Variants in SLC17A6 observed in about 807,000 individuals in gnomAD.
The protein encoded by SLC17A6 is solute carrier family 17 member 6, also known as vesicular glutamate transporter 2.
Under a neutral mutation model 67.1 loss-of-function variants are expected in SLC17A6, and 35 were observed. The ratio of observed to expected loss-of-function variants is 0.52; its 90% CI spans 0.40 to 0.69. The LOEUF is 0.69. Ranked by LOEUF, SLC17A6 falls within the 30% of genes least tolerant of loss-of-function variation. The pLI is 0.00. For missense variants in SLC17A6, 588 were observed against 723.9 expected (o/e 0.81, Z 2.15); for synonymous variants, 285 against 252.3 (o/e 1.13, Z -1.23).
chr11:22,365,727 C>A (rs982701102), intron 7 of SLC17A6, 38 bp downstream of exon 7: 1 of 1,568,144 alleles, frequency 6.4e-7, no homozygotes, highest in African/African-American at 1.4e-5. Context: ...CTATCTTATT[C>A]CCATCTCGCC....
intron 7 of SLC17A6, among the ~76,000 whole-genome samples, chr11:22,367,997 TATC>T (rs1590392315): frequency 6.6e-6 from 1 of 152,334 alleles, no homozygotes; most frequent in East Asian, 1.9e-4. Flanking sequence ...CTGACAGGAA[TATC>T]ATATACTCAT....
At position 22,377,639 on chromosome 11, in the gene SLC17A6, G is replaced by GC. The variant is rs1278792698; in HGVS notation, c.1650dup (p.Asn551GlnfsTer6). On this transcript the variant is annotated frameshift_variant, in exon 12 of 12. Transcript: ENST00000263160. LOFTEE classifies it high-confidence loss of function. ...CAAGTCTTATGGTGCCACAACACAGGCCAATGGAGGTTGGCCTAGTGGTTG... is the reference window on the plus strand; with the variant it reads ...CAAGTCTTATGGTGCCACAACACAGGCCCAATGGAGGTTGGCCTAGTGGTTG... The GC allele has an allele frequency of 1.9e-6, 3 of 1,613,946 alleles. No homozygotes were observed. In the Admixed American group the frequency reaches 5.0e-5, roughly 27 times the overall value.
chr11:22,348,746 G>T (rs998185790), intron 3 of SLC17A6, among the ~76,000 whole-genome samples: 1 of 152,086 alleles, frequency 6.6e-6, no homozygotes, highest in Non-Finnish European at 1.5e-5. Flanking sequence ...CAAAAGCATG[G>T]CTTTAAAATT....
At chr11:22,366,258 G>A (rs1226962981) in intron 7 of SLC17A6, among the ~76,000 whole-genome samples, 1 of 152,096 alleles carries the variant, frequency 6.6e-6, no homozygotes, top group Non-Finnish European at 1.5e-5. Flanking sequence ...GGAAACTTAA[G>A]TGAATGTGCC....
rs1027853184 is a variant in SLC17A6, at chr11:22,378,909, G to A, written c.*1169G>A. ...GAAACATAATAAACAATCTTCACACGAAACCAAAAATAGCATACACCTAAT... is the reference window on the plus strand; with the variant it reads ...GAAACATAATAAACAATCTTCACACAAAACCAAAAATAGCATACACCTAAT... On this transcript the variant is annotated 3_prime_UTR_variant, in exon 12 of 12. Transcript: ENST00000263160. 29 of 152,106 alleles carry A rather than the reference G, an allele frequency of 1.9e-4. No homozygotes were observed. The highest frequency in any genetic ancestry group is 6.5e-4 in the African/African-American group (27 of 41,476). 9.4% of individuals were successfully genotyped at this position (152,106 alleles called of 1,614,324 possible). A position where few individuals can be genotyped will look rare whatever the true frequency, so the allele number is the denominator to read the frequency against.
rs1856025762 is a variant in SLC17A6 at position 22,359,484 on chromosome 11, A to T, written c.530A>T (p.Tyr177Phe). 6.2e-7 allele frequency: 1 copy of T among 1,608,058 alleles called. No homozygotes were observed. The highest frequency in any genetic ancestry group is 1.7e-5 in the Admixed American group (1 of 59,418). The change falls in exon 4 of 12, where the codon TAT (tyrosine) becomes TTT (phenylalanine). Residue 177 changes from tyrosine (Y) to phenylalanine (F), a missense_variant. By Grantham distance (22) the Tyr-to-Phe change is conservative. Transcript: ENST00000263160. ...ATTCCATCAGCAGCCAGAGTGCATT[A>T]TGGATGTGTCATCTTTGTCAGAATA... is the stretch of plus-strand genomic sequence containing the variant. ...MLIPSAARVH[Y>F]GCVIFVRILQ... is the part of the protein sequence containing the mutation.
At chr11:22,376,722 T>C in intron 11 of SLC17A6, 50 bp downstream of exon 11, 1 of 1,597,166 alleles carries the variant, frequency 6.3e-7, no homozygotes. Flanking sequence ...TTTCTCAAAA[T>C]GATAATCTTT....
intron 8 of SLC17A6, among the ~76,000 whole-genome samples, chr11:22,372,701 T>A (rs7125777): frequency 0.16 from 23,945 of 152,064 alleles, 2,272 homozygotes; most frequent in East Asian, 0.24. Flanking sequence ...AAAAATCTAA[T>A]TACCTGGAGT....
intron 7 of SLC17A6, 110 bp downstream of exon 7, chr11:22,365,799 C>A: frequency 1.7e-6 from 2 of 1,170,826 alleles, no homozygotes; most frequent in Non-Finnish European, 2.4e-6. Context: ...TGGTATCAAT[C>A]ATAACTTCTT....
At chr11:22,357,098 A>G (rs1855999978) in intron 3 of SLC17A6, among the ~76,000 whole-genome samples, 5 of 152,228 alleles carry the variant, frequency 3.3e-5, no homozygotes, top group Admixed American at 2.0e-4. Flanking sequence ...GGTTTTAAAT[A>G]AAACAGAACT....
At chr11:22,340,977 C>T (rs1284093322) in intron 1 of SLC17A6, among the ~76,000 whole-genome samples, 3 of 152,158 alleles carry the variant, frequency 2.0e-5, no homozygotes, top group Non-Finnish European at 1.5e-5. Flanking sequence ...GCATCGTCAA[C>T]CTGGAAAGCT....
rs1042128848 is a variant in SLC17A6, at chr11:22,379,057, C to G, written c.*1317C>G. Reference sequence around the variant, plus strand: ...AGAATTGCAACATTTGTGTACCAAGCAATAAGTGCAATGCATAAAATTTCC... The same window carrying G: ...AGAATTGCAACATTTGTGTACCAAGGAATAAGTGCAATGCATAAAATTTCC... On this transcript the variant is annotated 3_prime_UTR_variant, in exon 12 of 12. Coordinates refer to ENST00000263160, the MANE Select transcript of SLC17A6 (RefSeq NM_020346.3). 6.6e-6 allele frequency: 1 copy of G among 152,480 alleles called. No individual in the cohort carries two copies. Among genetic ancestry groups the G allele is most frequent in the Non-Finnish European group, 1.5e-5 (1 of 67,978 alleles). The allele number at this position is 152,480 out of a possible 1,614,324, so 9.4% of individuals were successfully genotyped here.
intron 3 of SLC17A6, among the ~76,000 whole-genome samples, chr11:22,344,510 A>G (rs546544980): frequency 1.3e-5 from 2 of 152,162 alleles, no homozygotes; most frequent in African/African-American, 4.8e-5. Context: ...AGGCTTAAGG[A>G]TCCCTAGAGT....
intron 3 of SLC17A6, among the ~76,000 whole-genome samples, chr11:22,357,061 T>C (rs1248781682): frequency 6.6e-6 from 1 of 152,216 alleles, no homozygotes; most frequent in Non-Finnish European, 1.5e-5. Context: ...CATAATCAGG[T>C]ATAAATCCTA....
chr11:22,347,631 A>G (rs1273103135), intron 3 of SLC17A6, among the ~76,000 whole-genome samples: 1 of 152,196 alleles, frequency 6.6e-6, no homozygotes, highest in Non-Finnish European at 1.5e-5. Flanking sequence ...TTCATGAGTC[A>G]TATTTCTACC....
chr11:22,340,398 C>G (rs1039084596), intron 1 of SLC17A6, among the ~76,000 whole-genome samples: 4 of 152,192 alleles, frequency 2.6e-5, no homozygotes, highest in African/African-American at 9.7e-5. Flanking sequence ...AACACTACCA[C>G]CTTTTAGTAA....
intron 3 of SLC17A6, among the ~76,000 whole-genome samples, chr11:22,351,410 T>A (rs1855937131): frequency 6.6e-6 from 1 of 152,104 alleles, no homozygotes; most frequent in Admixed American, 6.6e-5. Context: ...CACTCTTCTC[T>A]TTTGGAGTCC....
In SLC17A6 at chr11:22,370,090, A is replaced by G; in HGVS notation, c.943A>G (p.Ile315Val). The change falls in exon 8 of 12, where the codon ATA (isoleucine) becomes GTA (valine). Residue 315 changes from isoleucine (I) to valine (V), a missense_variant. This residue lies in a region of SLC17A6 where 414 missense variants were observed against 563.4 expected (regional missense o/e 0.73). Transcript: ENST00000263160. ...TTTTACATCCATGCCAGTCTATGCAATAATTGTTGCAAACTTCTGCAGAAG... is the reference window on the plus strand; with the variant it reads ...TTTTACATCCATGCCAGTCTATGCAGTAATTGTTGCAAACTTCTGCAGAAG... Reference protein sequence around the residue: ...KFFTSMPVYAIIVANFCRSWT... With the variant: ...KFFTSMPVYAVIVANFCRSWT... 6.2e-7 allele frequency: 1 copy of G among 1,612,322 alleles called. No individual in the cohort carries two copies. The highest frequency in any genetic ancestry group is 8.5e-7 in the Non-Finnish European group (1 of 1,179,190).
intron 3 of SLC17A6, among the ~76,000 whole-genome samples, chr11:22,349,493 C>A (rs959125219): frequency 6.6e-6 from 1 of 152,140 alleles, no homozygotes; most frequent in East Asian, 1.9e-4. Flanking sequence ...TGTACTTTGC[C>A]GATAAGAGTT....
Sources: allele counts gnomAD v4.1 joint callset (sites outside exome capture counted in the v4.1 genomes callset), GRCh38; gene constraint gnomAD v4.1.1; regional missense constraint gnomAD v4.1.1; transcripts MANE v1.5; gene names NCBI Gene and HGNC (gene_info 2026-07-23, HGNC 2026-07-21).